The following HELZ variants were observed in gnomAD, a reference collection of about 807,000 sequenced individuals.
The protein encoded by HELZ is ATP-dependent RNA helicase with zinc finger domain.
In HELZ, 23 loss-of-function variants were observed where a neutral mutation model predicts 218.2. The ratio of observed to expected loss-of-function variants is 0.11; its 90% confidence interval spans 0.08 to 0.15. The LOEUF is 0.15. HELZ is among the 10% of genes least tolerant of loss of function. The probability of loss-of-function intolerance (pLI) is 1.00; values close to 1 mark genes in which losing one functional copy is unlikely to be tolerated. For synonymous variants in HELZ, 814 were observed against 829.4 expected (o/e 0.98, Z 0.32); for missense variants, 1,813 against 2,353.7 (o/e 0.77, Z 4.75).
chr17:67,151,038 C>G lies in HELZ; in HGVS notation c.2356+8G>C. The stretch of plus-strand genomic sequence containing the variant: ...AAACTTGTGAGACTGTGTCTTGAGT[C>G]AGCATACCAGGTTCAAGGTCCAACT... On this transcript the variant is annotated splice_region_variant and intron_variant, in intron 18 of 32. Coordinates refer to ENST00000358691, the MANE Select transcript of HELZ (RefSeq NM_014877.4). 1 of 1,612,180 alleles carries G rather than the reference C, an allele frequency of 6.2e-7. No individual in the cohort carries two copies. The highest frequency in any genetic ancestry group is 8.5e-7 in the Non-Finnish European group (1 of 1,178,608).
At chr17:67,173,613 A>T (rs544394942) in intron 13 of HELZ, among the ~76,000 whole-genome samples, 177 of 152,348 alleles carry the variant, frequency 1.2e-3, no homozygotes, top group African/African-American at 4.1e-3. Flanking sequence ...GAACAATAAA[A>T]ATCTAACAAA....
chr17:67,156,353 T>C (rs944512035), intron 17 of HELZ, among the ~76,000 whole-genome samples: 1 of 152,120 alleles, frequency 6.6e-6, no homozygotes, highest in South Asian at 2.1e-4. Context: ...AAAAAGAATA[T>C]TTACTTAAAT....
At chr17:67,187,014 A>G (rs1465643223) in intron 12 of HELZ, among the ~76,000 whole-genome samples, 1 of 152,176 alleles carries the variant, frequency 6.6e-6, no homozygotes, top group Non-Finnish European at 1.5e-5. Flanking sequence ...TGCATTGTCT[A>G]TGGCTGCTTT....
chr17:67,102,694 T>A (rs1370086372), intron 31 of HELZ, among the ~76,000 whole-genome samples: 1 of 152,200 alleles, frequency 6.6e-6, no homozygotes, highest in East Asian at 1.9e-4. Flanking sequence ...CAGACTAAAG[T>A]TACCCTAATA....
chr17:67,104,129 TAA>T (rs1331927209), intron 31 of HELZ, among the ~76,000 whole-genome samples: 3 of 151,434 alleles, frequency 2.0e-5, no homozygotes, highest in Non-Finnish European at 4.4e-5. Context: ...GTGTAAGAGG[TAA>T]AACTATAAAA....
rs2040390167 is a variant in HELZ, at chr17:67,209,193, A to G, written c.248-5750T>C. On this transcript the variant is annotated intron_variant, in intron 5 of 32. Coordinates refer to ENST00000358691, the MANE Select transcript of HELZ (RefSeq NM_014877.4). ...CTTGTCTCCACCACACTAATATTAT[A>G]ATTATTTTAGTGATCCTGAGGCACA... Among the ~76,000 whole-genome samples, 5 of 151,666 alleles carry G rather than the reference A, an allele frequency of 3.3e-5. No homozygotes were observed. The South Asian group carries it at 1.0e-3, about 32-fold the overall frequency.
At chr17:67,179,098 A>AAAAAC (rs1268872342) in intron 12 of HELZ, among the ~76,000 whole-genome samples, 172 bp from the exon 13 acceptor site, 13 of 152,314 alleles carry the variant, frequency 8.5e-5, no homozygotes, top group African/African-American at 2.6e-4. Context: ...CCCCATATCA[A>AAAAAC]AAAACAAAAC....
rs570183064 is a variant in HELZ, at chr17:67,071,852, T to C, written c.*6400A>G. Reference sequence around the variant, plus strand: ...TTTTGCAAACACATATAGATTTTTTTAAAGGTAGCAAAGTAATCAGAGACA... The same window carrying C: ...TTTTGCAAACACATATAGATTTTTTCAAAGGTAGCAAAGTAATCAGAGACA... On this transcript the variant is annotated 3_prime_UTR_variant, in exon 33 of 33. Coordinates refer to ENST00000358691, the MANE Select transcript of HELZ (RefSeq NM_014877.4). 3.3e-5 allele frequency: 5 copies of C among 152,736 alleles called. No homozygotes were observed. The East Asian group carries it at 9.6e-4, about 29-fold the overall frequency. The allele number at this position is 152,736 out of a possible 1,614,324, so 9.5% of individuals were successfully genotyped here.
intron 32 of HELZ, among the ~76,000 whole-genome samples, chr17:67,078,879 C>T (rs115214727): frequency 0.011 from 1,629 of 152,310 alleles, 32 homozygotes; most frequent in African/African-American, 0.037. Context: ...TGTAACTGTA[C>T]ACTTTGATAT....
intron 15 of HELZ, among the ~76,000 whole-genome samples, chr17:67,164,125 C>G (rs1469326574): frequency 2.0e-5 from 3 of 152,050 alleles, no homozygotes; most frequent in Admixed American, 6.5e-5. Context: ...TATGTAAAAC[C>G]CTGTTGGTAT....
At chr17:67,101,096 C>G (rs559586558) in intron 31 of HELZ, among the ~76,000 whole-genome samples, 1 of 126,064 alleles carries the variant, frequency 7.9e-6, no homozygotes, top group African/African-American at 3.2e-5. Flanking sequence ...GGTGACAGAG[C>G]GAGACTCCGT....
chr17:67,191,763 CTTT>C (rs71139120), intron 9 of HELZ, among the ~76,000 whole-genome samples: 3 of 132,474 alleles, frequency 2.3e-5, no homozygotes. Context: ...TGATCATTAA[CTTT>C]TTTTTTTTTT....
rs142561876 is a variant in HELZ, at chr17:67,244,118, A to G, written c.-131-279T>C. The G allele has an allele frequency of 1.1e-5, 5 of 450,990 alleles. No individual in the cohort carries two copies. In the East Asian group the frequency reaches 7.8e-4, roughly 70 times the overall value. 27.9% of individuals were successfully genotyped at this position (450,990 alleles called of 1,614,324 possible). Reference sequence around the variant, plus strand: ...ACTGACCTTACTTTCAAAAACATAAAGAAATGAAGGAGAGGAAATTTCATT... The same window carrying G: ...ACTGACCTTACTTTCAAAAACATAAGGAAATGAAGGAGAGGAAATTTCATT... On this transcript the variant is annotated intron_variant, in intron 1 of 32. Transcript: ENST00000358691.
At chr17:67,216,222 CT>C (rs1221728075) in intron 4 of HELZ, among the ~76,000 whole-genome samples, 1 of 152,146 alleles carries the variant, frequency 6.6e-6, no homozygotes, top group Non-Finnish European at 1.5e-5. Flanking sequence ...ACTGAGAAAA[CT>C]GAAGCCACAA....
chr17:67,176,816 T>A (rs2039471521), intron 13 of HELZ: 1 of 152,186 alleles, frequency 6.6e-6, no homozygotes, highest in Non-Finnish European at 1.5e-5. Flanking sequence ...CATTCCAGCC[T>A]CAGTGACAGA....
At chr17:67,244,723 G>A (rs908343396) in intron 1 of HELZ, 11 of 984,676 alleles carry the variant, frequency 1.1e-5, no homozygotes, top group African/African-American at 1.7e-5. Context: ...CTGAGGGGGG[G>A]CATCGAGCGG....
intron 5 of HELZ, among the ~76,000 whole-genome samples, chr17:67,206,339 T>C (rs973914703): frequency 9.2e-5 from 14 of 152,238 alleles, no homozygotes; most frequent in Non-Finnish European, 2.1e-4. Context: ...ACACTTGAAA[T>C]ATGTCTTACT....
chr17:67,238,613 C>T (rs1013811877), intron 3 of HELZ, among the ~76,000 whole-genome samples: 9 of 151,868 alleles, frequency 5.9e-5, no homozygotes, highest in Non-Finnish European at 7.4e-5. Context: ...ACCCAGGAGG[C>T]GGAGGTTGCA....
chr17:67,230,580 A>C (rs1314021221), intron 3 of HELZ, among the ~76,000 whole-genome samples: 1 of 115,942 alleles, frequency 8.6e-6, no homozygotes, highest in African/African-American at 3.5e-5. Flanking sequence ...CTGGTGGCAG[A>C]GTGAGACTCC....
Sources: allele counts gnomAD v4.1 joint callset (sites outside exome capture counted in the v4.1 genomes callset), GRCh38; gene constraint gnomAD v4.1.1; transcripts MANE v1.5; gene names NCBI Gene and HGNC (gene_info 2026-07-23, HGNC 2026-07-21).